OXR1: variants seen among roughly 807,000 people sequenced by gnomAD.
The protein encoded by OXR1 is oxidation resistance 1.
OXR1 carries 41 observed loss-of-function variants against 104.6 expected under a neutral mutation model. The ratio of observed to expected loss-of-function variants is 0.39; its 90% CI spans 0.31 to 0.51. The LOEUF (loss-of-function observed/expected upper bound fraction) is 0.51. Among genes scored for constraint, OXR1 ranks in the 20% least tolerant of loss-of-function variants. OXR1 has a pLI of 0.77. For missense variants in OXR1, 955 were observed against 1,031.9 expected, an observed-to-expected ratio of 0.93 and a Z score of 1.02; for synonymous variants, 348 against 348.4, an observed-to-expected ratio of 1.00 and a Z score of 0.01.
intron 16 of OXR1, among the ~76,000 whole-genome samples, chr8:106,746,617 T>C (rs1374786464): frequency 6.6e-6 from 1 of 152,258 alleles, no homozygotes; most frequent in Non-Finnish European, 1.5e-5. Flanking sequence ...CACCAAAGAA[T>C]ATTCATCATC....
intron 3 of OXR1, among the ~76,000 whole-genome samples, chr8:106,634,621 G>A (rs1822980660): frequency 6.6e-6 from 1 of 152,070 alleles, no homozygotes; most frequent in African/African-American, 2.4e-5. Flanking sequence ...TATTCCTACA[G>A]ATCAAGTAGT....
intron 2 of OXR1, among the ~76,000 whole-genome samples, chr8:106,462,982 T>G (rs1011572952): frequency 6.6e-6 from 1 of 152,156 alleles, no homozygotes; most frequent in African/African-American, 2.4e-5. Context: ...CATTGTTTAT[T>G]ATTTCCATTT....
At chr8:106,359,092 TTTCTTTC>T (rs1322704703) in intron 1 of OXR1, among the ~76,000 whole-genome samples, 1 of 131,536 alleles carries the variant, frequency 7.6e-6, no homozygotes. Context: ...TCTTTCTTTC[TTTCTTTC>T]TTTGCTATGG....
At chr8:106,734,589 T>G (rs2131542361) in intron 11 of OXR1, among the ~76,000 whole-genome samples, 1 of 152,252 alleles carries the variant, frequency 6.6e-6, no homozygotes, top group African/African-American at 2.4e-5. Flanking sequence ...GTCCATAAGG[T>G]ATTGTTCTTT....
chr8:106,678,989 A>G (rs1406821283), intron 3 of OXR1, among the ~76,000 whole-genome samples: 1 of 151,976 alleles, frequency 6.6e-6, no homozygotes, highest in Non-Finnish European at 1.5e-5. Flanking sequence ...TTGACTTGCA[A>G]TTATTCTATT....
chr8:106,351,708 A>G (rs1264404368), intron 1 of OXR1, among the ~76,000 whole-genome samples: 1 of 152,194 alleles, frequency 6.6e-6, no homozygotes, highest in East Asian at 1.9e-4. Flanking sequence ...TGCGAGGGCA[A>G]TATAGAGCAA....
chr8:106,412,251 A>T (rs1490800755), intron 2 of OXR1, among the ~76,000 whole-genome samples: 1 of 152,054 alleles, frequency 6.6e-6, no homozygotes, highest in East Asian at 1.9e-4. Flanking sequence ...TTGTGCCAAT[A>T]GGAGGTTTAC....
intron 3 of OXR1, among the ~76,000 whole-genome samples, chr8:106,545,731 C>T (rs948110761): frequency 1.3e-5 from 2 of 152,116 alleles, no homozygotes; most frequent in African/African-American, 4.8e-5. Flanking sequence ...GGAAAATAGG[C>T]TTATAACTGT....
At chr8:106,692,005 AT>A (rs1294457288) in intron 6 of OXR1, among the ~76,000 whole-genome samples, 11 of 150,288 alleles carry the variant, frequency 7.3e-5, no homozygotes, top group African/African-American at 2.7e-4. Flanking sequence ...ACACACACAC[AT>A]ATATATATAC....
chr8:106,454,962 A>G (rs1019647757), intron 2 of OXR1, among the ~76,000 whole-genome samples: 3 of 152,336 alleles, frequency 2.0e-5, no homozygotes, highest in African/African-American at 7.2e-5. Flanking sequence ...AATTTTTAGT[A>G]TGCATGTTGA....
At chr8:106,715,877 T>A (rs1011963774) in intron 11 of OXR1, among the ~76,000 whole-genome samples, 26 of 152,188 alleles carry the variant, frequency 1.7e-4, no homozygotes, top group African/African-American at 6.3e-4. Flanking sequence ...CCGGAATTGG[T>A]GCAGTTCAAA....
At chr8:106,698,413 G>A (rs1394260369) in intron 7 of OXR1, among the ~76,000 whole-genome samples, 1 of 151,964 alleles carries the variant, frequency 6.6e-6, no homozygotes, top group African/African-American at 2.4e-5. Context: ...CTTTAGCTTG[G>A]TTCTGTAGGT....
chr8:106,475,470 G>C (rs1344435677), intron 2 of OXR1, among the ~76,000 whole-genome samples: 1 of 151,892 alleles, frequency 6.6e-6, no homozygotes, highest in Admixed American at 6.6e-5. Context: ...AGAGGCAGAA[G>C]AGGTGGAGGA....
At chr8:106,359,739 A>C in intron 2 of OXR1, 103 bp downstream of exon 2, 2 of 841,466 alleles carry the variant, frequency 2.4e-6, no homozygotes, top group Non-Finnish European at 3.9e-6. Context: ...GAGAAAACTT[A>C]AAAATCTGGT....
At chr8:106,667,329 T>C (rs966071801) in intron 3 of OXR1, among the ~76,000 whole-genome samples, 3 of 152,256 alleles carry the variant, frequency 2.0e-5, no homozygotes, top group Non-Finnish European at 4.4e-5. Flanking sequence ...CTTAATGATA[T>C]TTCTCTCAAT....
chr8:106,325,285 CT>C (rs1563718634), intron 1 of OXR1, among the ~76,000 whole-genome samples: 1 of 152,126 alleles, frequency 6.6e-6, no homozygotes, highest in Non-Finnish European at 1.5e-5. Flanking sequence ...TGCTATTATT[CT>C]TTCTGAATCT....
At chr8:106,442,212 C>A (rs1254904555) in intron 2 of OXR1, among the ~76,000 whole-genome samples, 4 of 152,058 alleles carry the variant, frequency 2.6e-5, no homozygotes, top group African/African-American at 9.7e-5. Context: ...TGATGGATTA[C>A]GTTTATTGAT....
At chr8:106,665,061 A>G (rs1356043976) in intron 3 of OXR1, among the ~76,000 whole-genome samples, 1 of 152,232 alleles carries the variant, frequency 6.6e-6, no homozygotes, top group Non-Finnish European at 1.5e-5. Flanking sequence ...TGCAAACATT[A>G]AAGAAAGATT....
intron 1 of OXR1, among the ~76,000 whole-genome samples, chr8:106,344,406 C>T (rs774514274): frequency 1.3e-5 from 2 of 152,274 alleles, no homozygotes; most frequent in African/African-American, 2.4e-5. Flanking sequence ...GGCACAATCT[C>T]GGCTCACTGC....
Sources: gnomAD v4.1 joint callset for allele counts (sites outside exome capture counted in the v4.1 genomes callset) on GRCh38, gnomAD v4.1.1 for gene constraint, MANE v1.5 for transcripts, NCBI Gene and HGNC (gene_info 2026-07-23, HGNC 2026-07-21) for gene names.